The following SCYL2 variants were observed in gnomAD, a reference collection of about 807,000 sequenced individuals.
The protein encoded by SCYL2 is SCY1 like pseudokinase 2, also known as SCY1-like protein 2.
Under a neutral mutation model 100.4 loss-of-function variants are expected in SCYL2, and 36 were observed. That is an observed-to-expected ratio of 0.36 (90% confidence interval 0.27 to 0.47). The LOEUF (loss-of-function observed/expected upper bound fraction) is 0.47, where lower values mean the gene tolerates loss of function less well. Among genes scored for constraint, SCYL2 ranks in the 20% least tolerant of loss-of-function variants. The probability of loss-of-function intolerance (pLI) is 1.00; values close to 1 mark genes in which losing one functional copy is unlikely to be tolerated. For missense variants in SCYL2, 902 were observed against 1,083.9 expected (o/e 0.83, Z 2.36); for synonymous variants, 330 against 359.2 (o/e 0.92, Z 0.92).
intron 10 of SCYL2, among the ~76,000 whole-genome samples, chr12:100,322,792 G>A (rs1032168775): frequency 1.3e-5 from 2 of 151,454 alleles, no homozygotes; most frequent in Non-Finnish European, 2.9e-5. Flanking sequence ...CCCGGGAGGC[G>A]GAGGATTCTG....
At chr12:100,297,046 C>T (rs2096321701) in intron 3 of SCYL2, among the ~76,000 whole-genome samples, 1 of 152,134 alleles carries the variant, frequency 6.6e-6, no homozygotes. Flanking sequence ...ACTATGCAGG[C>T]CCAGAAGCTT....
chr12:100,324,124 T>C (rs1274956323), intron 11 of SCYL2, among the ~76,000 whole-genome samples: 1 of 152,140 alleles, frequency 6.6e-6, no homozygotes, highest in Non-Finnish European at 1.5e-5. Flanking sequence ...GATAAATAGT[T>C]GTGCTAAAAA....
At chr12:100,312,284 C>A in intron 5 of SCYL2, 148 bp from the exon 6 acceptor site, 1 of 667,334 alleles carries the variant, frequency 1.5e-6, no homozygotes, top group Non-Finnish European at 2.6e-6. Flanking sequence ...GACTTTTTTA[C>A]ATTTGGGAAT....
At position 100,339,259 on chromosome 12, in the gene SCYL2, G is replaced by GT; in HGVS notation, c.*88dup. 1.5e-6 allele frequency: 2 copies of GT among 1,290,878 alleles called. No individual in the cohort carries two copies. The highest frequency in any genetic ancestry group is 2.1e-6 in the Non-Finnish European group (2 of 933,446). 80.0% of individuals were successfully genotyped at this position (1,290,878 alleles called of 1,614,324 possible). A position where few individuals can be genotyped will look rare whatever the true frequency, so the allele number is the denominator to read the frequency against. Reference sequence around the variant, plus strand: ...TCTTTATATAGTTGGCTTGGAGGAAGTACTTCTATGGGAAAGTGAACAGTT... The same window carrying GT: ...TCTTTATATAGTTGGCTTGGAGGAAGTTACTTCTATGGGAAAGTGAACAGTT... On this transcript the variant is annotated 3_prime_UTR_variant, in exon 18 of 18. Transcript: ENST00000360820.
chr12:100,312,786 A>C (rs1267694519), intron 6 of SCYL2, 133 bp downstream of exon 6: 2 of 609,344 alleles, frequency 3.3e-6, no homozygotes, highest in African/African-American at 3.9e-5. Context: ...AGATCAGCTT[A>C]ATAATTTATT....
chr12:100,336,508 T>C (rs1952279015), intron 16 of SCYL2, among the ~76,000 whole-genome samples: 1 of 152,142 alleles, frequency 6.6e-6, no homozygotes, highest in Admixed American at 6.6e-5. Context: ...TTTCTCATAA[T>C]TGGATTAAAG....
At chr12:100,322,374 A>G (rs2096357110) in intron 10 of SCYL2, among the ~76,000 whole-genome samples, 3 of 97,574 alleles carry the variant, frequency 3.1e-5, no homozygotes, top group Non-Finnish European at 6.4e-5. Context: ...CTCCGTCTCA[A>G]AAAAAAAAAA....
rs2096300432 is a variant in SCYL2, at chr12:100,282,923, C to T, written c.-28-20C>T. On this transcript the variant is annotated intron_variant, in intron 1 of 17. Coordinates refer to ENST00000360820, the MANE Select transcript of SCYL2 (RefSeq NM_017988.6). ...TAGATAAGAAATGATCAGTTCTCCA[C>T]TATCCTTCTGTTTTTCTAGGTAACT... The T allele has an allele frequency of 1.6e-6, 2 of 1,251,598 alleles. No individual in the cohort carries two copies. The highest frequency in any genetic ancestry group is 2.4e-5 in the East Asian group (1 of 42,382). 77.5% of individuals were successfully genotyped at this position (1,251,598 alleles called of 1,614,324 possible).
Position 100,295,106 on chromosome 12 carries a change from C to T in SCYL2, c.336-2925C>T, listed in dbSNP as rs572435223. Reference sequence around the variant, plus strand: ...CCCCACATCTCAGATGATGGGCGGCCGGGCAGAGACGCTCTTCACTTCCTA... The same window carrying T: ...CCCCACATCTCAGATGATGGGCGGCTGGGCAGAGACGCTCTTCACTTCCTA... On this transcript the variant is annotated intron_variant, in intron 3 of 17. Transcript: ENST00000360820. 5.0e-4 allele frequency among the ~76,000 whole-genome samples: 76 copies of T among 150,754 alleles called. No individual in the cohort carries two copies. In the East Asian group the frequency reaches 7.8e-3, roughly 15 times the overall value.
rs1168512323 is a variant in SCYL2 at position 100,295,030 on chromosome 12, C to T, written c.336-3001C>T. On this transcript the variant is annotated intron_variant, in intron 3 of 17. Coordinates refer to ENST00000360820, the MANE Select transcript of SCYL2 (RefSeq NM_017988.6). ...CTCACCTCCCAGACGGGGTCGCGGC[C>T]GGGCAGAGGCGCTCCTCACATCCCA... Among the ~76,000 whole-genome samples the T allele has an allele frequency of 9.9e-5, 15 of 150,982 alleles. No individual in the cohort carries two copies. The East Asian group carries it at 2.4e-3, about 24-fold the overall frequency.
At position 100,292,811 on chromosome 12, in the gene SCYL2, T is replaced by A. The variant is rs150017372; in HGVS notation, c.335+1151T>A. 1.4e-4 allele frequency among the ~76,000 whole-genome samples: 21 copies of A among 152,202 alleles called. 2 individuals are homozygous for A. In the East Asian group the frequency reaches 3.9e-3, roughly 28 times the overall value. On this transcript the variant is annotated intron_variant, in intron 3 of 17. Coordinates refer to ENST00000360820, the MANE Select transcript of SCYL2 (RefSeq NM_017988.6). ...ACCATGCTGCATCTACCCAAAAATA[T>A]GCTAATGTGTCAGTTGATTGATCGA...
chr12:100,303,959 G>A (rs1170595626), intron 4 of SCYL2, among the ~76,000 whole-genome samples: 1 of 152,228 alleles, frequency 6.6e-6, no homozygotes, highest in African/African-American at 2.4e-5. Flanking sequence ...TGCCTGCCCA[G>A]AGAGGAGGAA....
At chr12:100,318,052 G>T in intron 10 of SCYL2, 127 bp downstream of exon 10, 1 of 817,856 alleles carries the variant, frequency 1.2e-6, no homozygotes, top group Non-Finnish European at 1.8e-6. Context: ...TTTATCTTTT[G>T]AATCACATTA....
chr12:100,283,475 G>A (rs373629388), intron 2 of SCYL2, among the ~76,000 whole-genome samples: 6 of 152,060 alleles, frequency 3.9e-5, no homozygotes, highest in South Asian at 2.1e-4. Flanking sequence ...AGAAATTGCC[G>A]TGTTTCTTAA....
chr12:100,292,069 CT>C (rs1566349888), intron 3 of SCYL2: 4 of 156,458 alleles, frequency 2.6e-5, no homozygotes, highest in African/African-American at 9.6e-5. Flanking sequence ...GACACTTAAC[CT>C]TCTACTATGC....
intron 1 of SCYL2, among the ~76,000 whole-genome samples, chr12:100,282,320 T>A (rs1284899459): frequency 1.0e-5 from 1 of 96,190 alleles, no homozygotes; most frequent in African/African-American, 4.4e-5. Context: ...ACTTTTAGTC[T>A]TTTTTTTTTT....
At chr12:100,312,336 G>T in intron 5 of SCYL2, 96 bp from the exon 6 acceptor site, 1 of 932,818 alleles carries the variant, frequency 1.1e-6, no homozygotes, top group Non-Finnish European at 1.7e-6. Flanking sequence ...ATTTTTACTT[G>T]CATGACCGAG....
intron 2 of SCYL2, among the ~76,000 whole-genome samples, chr12:100,290,174 G>C (rs1025972500): frequency 6.6e-6 from 1 of 151,238 alleles, no homozygotes; most frequent in African/African-American, 2.4e-5. Context: ...TTTTTCTGTT[G>C]AGAAAACTTG....
chr12:100,284,411 G>A (rs1258319835), intron 2 of SCYL2, among the ~76,000 whole-genome samples: 1 of 152,180 alleles, frequency 6.6e-6, no homozygotes, highest in Non-Finnish European at 1.5e-5. Flanking sequence ...ACACCAGTGA[G>A]CTCAGTGGAT....
Sources: allele counts gnomAD v4.1 joint callset (sites outside exome capture counted in the v4.1 genomes callset), GRCh38; gene constraint gnomAD v4.1.1; transcripts MANE v1.5; gene names NCBI Gene and HGNC (gene_info 2026-07-23, HGNC 2026-07-21).